GPC1: variants seen among roughly 807,000 people sequenced by gnomAD.
The protein encoded by GPC1 is glypican-1.
GPC1 carries 26 observed loss-of-function variants against 51.5 expected under a neutral mutation model. That is an observed-to-expected ratio of 0.50 (90% CI 0.37 to 0.70). The LOEUF is 0.70. Ranked by LOEUF, GPC1 falls within the 30% of genes least tolerant of loss-of-function variation. The pLI, the probability that GPC1 is intolerant of heterozygous loss-of-function variation, is 0.00. For synonymous variants in GPC1, 380 were observed against 348.3 expected, an observed-to-expected ratio of 1.09 and a Z score of -1.01; for missense variants, 775 against 800.5, an observed-to-expected ratio of 0.97 and a Z score of 0.38.
In GPC1 at chr2:240,462,357, C is replaced by T. The variant is rs748610232; in HGVS notation, c.492C>T (p.Ala164=). Residue 164 remains alanine, a synonymous_variant, in exon 3 of 9, where the codon GCC becomes GCT. Transcript: ENST00000264039. ...ACCTGCACCTGGAGGAGACGCTGGC[C>T]GAGTTCTGGGCCCGCCTGCTCGAGC... ...GANLHLEETL[A]EFWARLLERL... is the part of the protein sequence containing the mutation. The T allele has an allele frequency of 1.2e-5, 19 of 1,595,636 alleles. No individual in the cohort carries two copies. The highest frequency in any genetic ancestry group is 8.1e-5 in the African/African-American group (6 of 74,460).
Position 240,461,816 on chromosome 2 carries a change from G to A in GPC1, c.326-375G>A, listed in dbSNP as rs374975514. ...TGGCAGGGGGGCACAGACCGGCCCT[G>A]CCCCTCTTACCCCAGTGAGTCCCCA... On this transcript the variant is annotated intron_variant, in intron 2 of 8. Coordinates refer to ENST00000264039, the MANE Select transcript of GPC1 (RefSeq NM_002081.3). Among the ~76,000 whole-genome samples, 86 of 152,164 alleles carry A rather than the reference G, an allele frequency of 5.7e-4. No homozygotes were observed. In the South Asian group the frequency reaches 0.016, roughly 29 times the overall value.
chr2:240,443,065 G>C (rs1559194172), intron 1 of GPC1, among the ~76,000 whole-genome samples: 1 of 152,264 alleles, frequency 6.6e-6, no homozygotes, highest in African/African-American at 2.4e-5. Context: ...GGTCCGGGTG[G>C]CAGGGCCGGG....
intron 1 of GPC1, chr2:240,451,392 G>T: frequency 2.5e-6 from 1 of 400,454 alleles, no homozygotes; most frequent in Non-Finnish European, 5.3e-6. Context: ...GGTGCCTGTG[G>T]CCCCTGCAGT....
intron 2 of GPC1, among the ~76,000 whole-genome samples, chr2:240,460,179 C>T (rs553392701): frequency 4.6e-5 from 7 of 152,238 alleles, no homozygotes; most frequent in South Asian, 2.1e-4. Flanking sequence ...CAGCTGTTGG[C>T]GTACACCTGG....
chr2:240,452,922 C>A (rs1399832563), intron 1 of GPC1: 4 of 298,938 alleles, frequency 1.3e-5, no homozygotes, highest in Admixed American at 1.3e-4. Context: ...CTCCTGCGAG[C>A]CCTTCCGCCC....
chr2:240,462,698 T>C, intron 3 of GPC1, 116 bp downstream of exon 3: 1 of 933,704 alleles, frequency 1.1e-6, no homozygotes, highest in South Asian at 1.8e-5. Context: ...GGCCAGCCTC[T>C]GACCTCAGCC....
At chr2:240,441,343 G>A (rs1474181611) in intron 1 of GPC1, among the ~76,000 whole-genome samples, 1 of 152,254 alleles carries the variant, frequency 6.6e-6, no homozygotes. Context: ...CTCACCCGAA[G>A]CCACACTGGT....
At chr2:240,440,524 T>C (rs2074011196) in intron 1 of GPC1, among the ~76,000 whole-genome samples, 1 of 152,112 alleles carries the variant, frequency 6.6e-6, no homozygotes, top group Non-Finnish European at 1.5e-5. Flanking sequence ...ATTTAGAACG[T>C]TTAACCGGGA....
chr2:240,450,455 CA>C, intron 1 of GPC1: 1 of 390,702 alleles, frequency 2.6e-6, no homozygotes, highest in Non-Finnish European at 5.4e-6. Flanking sequence ...TGACCTTGCA[CA>C]GGTCACTTTA....
chr2:240,457,955 C>T (rs764850996), intron 1 of GPC1: 1 of 442,894 alleles, frequency 2.3e-6, no homozygotes, highest in South Asian at 1.6e-5. Flanking sequence ...CTCCTGCTTC[C>T]ACCTCTCCAC....
At chr2:240,462,695 C>T in intron 3 of GPC1, 113 bp downstream of exon 3, 1 of 972,646 alleles carries the variant, frequency 1.0e-6, no homozygotes, top group Non-Finnish European at 1.5e-6. Context: ...CTGGGCCAGC[C>T]TCTGACCTCA....
chr2:240,440,956 A>T (rs975067200), intron 1 of GPC1, among the ~76,000 whole-genome samples: 2 of 152,250 alleles, frequency 1.3e-5, no homozygotes, highest in Non-Finnish European at 2.9e-5. Flanking sequence ...CATGTCCCCA[A>T]CAGGGCAGAC....
rs568674798 is a variant in GPC1, at chr2:240,450,424, C to T, written c.167-8606C>T. 7.4e-4 allele frequency: 266 copies of T among 361,528 alleles called. 2 individuals are homozygous for T. The highest frequency in any genetic ancestry group is 3.5e-3 in the South Asian group (172 of 48,980). 22.4% of individuals were successfully genotyped at this position (361,528 alleles called of 1,614,324 possible). The stretch of plus-strand genomic sequence containing the variant: ...TAAGGCTGTTCCTCGTGCTGGGCCC[C>T]GTGCTGCTACTCCTAGCCTGTGACC... On this transcript the variant is annotated intron_variant, in intron 1 of 8. Coordinates refer to ENST00000264039, the MANE Select transcript of GPC1 (RefSeq NM_002081.3).
At chr2:240,459,427 C>T (rs2151795434) in intron 2 of GPC1, among the ~76,000 whole-genome samples, 1 of 152,310 alleles carries the variant, frequency 6.6e-6, no homozygotes, top group Non-Finnish European at 1.5e-5. Flanking sequence ...AGCCCATTCC[C>T]AGTGCACATT....
At chr2:240,455,922 A>C (rs2074155836) in intron 1 of GPC1, 1 of 336,378 alleles carries the variant, frequency 3.0e-6, no homozygotes, top group Non-Finnish European at 5.8e-6. Context: ...AGCGGGCCTC[A>C]GGGGGCCGCC....
chr2:240,449,321 C>G (rs888707417), intron 1 of GPC1: 1 of 147,426 alleles, frequency 6.8e-6, no homozygotes, highest in Non-Finnish European at 1.5e-5. Flanking sequence ...GCGCCCCCCC[C>G]CACCCCCACG....
Position 240,462,259 on chromosome 2 carries a change from G to A in GPC1, c.394G>A (p.Glu132Lys), listed in dbSNP as rs1288311863. 6.2e-7 allele frequency: 1 copy of A among 1,610,726 alleles called. No individual in the cohort carries two copies. The highest frequency in any genetic ancestry group is 8.5e-7 in the Non-Finnish European group (1 of 1,178,996). Residue 132 changes from glutamate (E) to lysine (K), a missense_variant, in exon 3 of 9, where the codon GAG becomes AAG. Glu to Lys is a moderately conservative substitution (Grantham distance 56). Coordinates refer to ENST00000264039, the MANE Select transcript of GPC1 (RefSeq NM_002081.3). ...GGCCACCTTCCCCGGCGCCTTCGGA[G>A]AGCTGTACACGCAGAACGCGAGGGC... Reference protein sequence around the residue: ...LQATFPGAFGELYTQNARAFR... With the variant: ...LQATFPGAFGKLYTQNARAFR...
intron 7 of GPC1, 102 bp downstream of exon 7, chr2:240,465,312 A>C: frequency 2.9e-6 from 4 of 1,401,278 alleles, no homozygotes; most frequent in Non-Finnish European, 3.9e-6. Flanking sequence ...CCCTTGCTGG[A>C]GGGCTTGAGC....
intron 2 of GPC1, among the ~76,000 whole-genome samples, chr2:240,460,948 C>G (rs1273767858): frequency 6.6e-6 from 1 of 152,166 alleles, no homozygotes; most frequent in Non-Finnish European, 1.5e-5. Flanking sequence ...CTGGCTGGAC[C>G]TCTGGTTGCT....
Sources: gnomAD v4.1 joint callset for allele counts (sites outside exome capture counted in the v4.1 genomes callset) on GRCh38, gnomAD v4.1.1 for gene constraint, MANE v1.5 for transcripts, NCBI Gene and HGNC (gene_info 2026-07-23, HGNC 2026-07-21) for gene names.